DCDC2C: variants seen among roughly 807,000 people sequenced by gnomAD.
DCDC2C encodes doublecortin domain-containing protein 2C.
A neutral mutation model predicts 45.0 loss-of-function variants in DCDC2C; 44 were observed. That is an observed-to-expected ratio of 0.98 (90% CI 0.77 to 1.26). DCDC2C has a LOEUF of 1.26. Among genes scored for constraint, DCDC2C ranks in the 50% most tolerant of loss-of-function variants. The pLI, the probability that DCDC2C is intolerant of heterozygous loss-of-function variation, is 0.00. For missense variants in DCDC2C, 447 were observed against 468.9 expected (o/e 0.95, Z 0.43); for synonymous variants, 187 against 178.8 (o/e 1.05, Z -0.37).
intron 10 of DCDC2C, among the ~76,000 whole-genome samples, chr2:3,797,175 C>T (rs543244345): frequency 6.6e-6 from 1 of 152,270 alleles, no homozygotes; most frequent in East Asian, 1.9e-4. Flanking sequence ...TTGTAGTATT[C>T]TCTGATGGTA....
intron 10 of DCDC2C, among the ~76,000 whole-genome samples, chr2:3,809,717 G>C (rs1028698542): frequency 4.6e-5 from 7 of 151,894 alleles, no homozygotes; most frequent in African/African-American, 9.7e-5. Context: ...TGCACCTATT[G>C]ACTTGTTCTC....
At chr2:3,798,276 G>A (rs200819612) in intron 10 of DCDC2C, among the ~76,000 whole-genome samples, 1,563 of 152,026 alleles carry the variant, frequency 0.01, 28 homozygotes, top group East Asian at 0.061. Context: ...CTGCACGTGA[G>A]ATGGGTTTCC....
At chr2:3,837,910 G>A (rs1672120466) in intron 10 of DCDC2C, among the ~76,000 whole-genome samples, 1 of 152,164 alleles carries the variant, frequency 6.6e-6, no homozygotes, top group African/African-American at 2.4e-5. Flanking sequence ...AGGTGAGGAA[G>A]TGTGGGGTAG....
At chr2:3,784,877 A>AAC (rs1397458531) in intron 9 of DCDC2C, among the ~76,000 whole-genome samples, 182 bp from the exon 10 acceptor site, 18 of 152,182 alleles carry the variant, frequency 1.2e-4, no homozygotes. Flanking sequence ...AAGTAGGAGG[A>AAC]ACAGAGCAGT....
rs537851331 is a variant in DCDC2C at position 3,837,280 on chromosome 2, T to A, written c.1066-9874T>A. 2.7e-4 allele frequency among the ~76,000 whole-genome samples: 41 copies of A among 152,380 alleles called. No individual in the cohort carries two copies. In the South Asian group the frequency reaches 7.2e-3, roughly 27 times the overall value. On this transcript the variant is annotated intron_variant, in intron 10 of 10. Coordinates refer to ENST00000399143, the MANE Select transcript of DCDC2C (RefSeq NM_001287444.2). ...GAACTCAATCAATCGAGTTGAATTT[T>A]GCTGATCAGGCAAAGTGAGAGCTGA...
chr2:3,843,855 C>A (rs1293347881), intron 10 of DCDC2C, among the ~76,000 whole-genome samples: 1 of 152,110 alleles, frequency 6.6e-6, no homozygotes, highest in African/African-American at 2.4e-5. Flanking sequence ...TCTGATGGTA[C>A]CTCATCATAT....
chr2:3,790,791 TA>T, intron 10 of DCDC2C, among the ~76,000 whole-genome samples: 1 of 152,252 alleles, frequency 6.6e-6, no homozygotes, highest in South Asian at 2.1e-4. Flanking sequence ...GGTGAAATAT[TA>T]AGCAATGAAA....
chr2:3,703,678 C>G lies in DCDC2C; in HGVS notation c.-74C>G. On this transcript the variant is annotated 5_prime_UTR_variant, in exon 1 of 11. Transcript: ENST00000399143. This position sits in a 1 kb window ranked among gnomAD's most constrained non-coding sequence, Gnocchi z 4.4. ...CCCGTCGGCGGTGCCCGGGCCTGGG[C>G]GCGGCTCTGCAGGCGTCGCTGCCCG... 1 of 1,207,162 alleles carries G rather than the reference C, an allele frequency of 8.3e-7. No individual in the cohort carries two copies. Among genetic ancestry groups the G allele is most frequent in the Non-Finnish European group, 1.0e-6 (1 of 969,714 alleles). 74.8% of individuals were successfully genotyped at this position (1,207,162 alleles called of 1,614,324 possible).
At chr2:3,827,439 C>T (rs896541822) in intron 10 of DCDC2C, among the ~76,000 whole-genome samples, 3 of 152,094 alleles carry the variant, frequency 2.0e-5, no homozygotes, top group Non-Finnish European at 4.4e-5. Flanking sequence ...GGGTGGTGAT[C>T]TTCATGCTGT....
chr2:3,836,389 T>A (rs1002123722), intron 10 of DCDC2C, among the ~76,000 whole-genome samples: 1 of 152,154 alleles, frequency 6.6e-6, no homozygotes, highest in African/African-American at 2.4e-5. Context: ...AGTAACCAAA[T>A]GCAGCATGCT....
chr2:3,749,059 CTG>C (rs1669458801), intron 4 of DCDC2C, among the ~76,000 whole-genome samples: 2 of 152,102 alleles, frequency 1.3e-5, no homozygotes, highest in South Asian at 4.1e-4. Context: ...GTAAGATAGA[CTG>C]TACCTTTATT....
At chr2:3,714,112 C>T (rs1455797731) in intron 2 of DCDC2C, among the ~76,000 whole-genome samples, 1 of 152,100 alleles carries the variant, frequency 6.6e-6, no homozygotes, top group Non-Finnish European at 1.5e-5. Context: ...CTGTTTTGAT[C>T]AAAATATATT....
intron 3 of DCDC2C, among the ~76,000 whole-genome samples, chr2:3,733,257 C>T (rs1378282580): frequency 6.6e-6 from 1 of 152,184 alleles, no homozygotes. Context: ...AGAATTTTCC[C>T]AAGGGTATGT....
chr2:3,823,518 C>T (rs1053018589), intron 10 of DCDC2C, among the ~76,000 whole-genome samples: 10 of 152,148 alleles, frequency 6.6e-5, no homozygotes, highest in Non-Finnish European at 1.5e-4. Context: ...TCTTTATCTT[C>T]TACCCAGTTG....
At chr2:3,830,734 C>G (rs747061762) in intron 10 of DCDC2C, among the ~76,000 whole-genome samples, 2 of 152,122 alleles carry the variant, frequency 1.3e-5, no homozygotes, top group African/African-American at 4.8e-5. Context: ...CCTTGACTCA[C>G]GGTGGGTGGT....
chr2:3,825,175 G>C (rs1385863195), intron 10 of DCDC2C, among the ~76,000 whole-genome samples: 1 of 152,200 alleles, frequency 6.6e-6, no homozygotes, highest in East Asian at 1.9e-4. Context: ...TCTCTTTTGT[G>C]AGCAATCGGT....
intron 4 of DCDC2C, among the ~76,000 whole-genome samples, chr2:3,744,316 A>G (rs1669298862): frequency 6.6e-6 from 1 of 152,164 alleles, no homozygotes; most frequent in Non-Finnish European, 1.5e-5. Flanking sequence ...AGCCACAGTC[A>G]GTTGGGTGGC....
At chr2:3,797,023 A>G (rs1162551845) in intron 10 of DCDC2C, among the ~76,000 whole-genome samples, 5 of 152,152 alleles carry the variant, frequency 3.3e-5, no homozygotes, top group Admixed American at 6.5e-5. Context: ...TTGGTAAGCT[A>G]TTGATTATTG....
rs546599956 is a variant in DCDC2C, at chr2:3,842,214, G to A, written c.1066-4940G>A. ...TTCTCAAGAAGCTCATGTGAATTGG[G>A]GTTTGGGCACAGATCTATGGACAAG... On this transcript the variant is annotated intron_variant, in intron 10 of 10. Transcript: ENST00000399143. Among the ~76,000 whole-genome samples, 4 of 152,250 alleles carry A rather than the reference G, an allele frequency of 2.6e-5. No individual in the cohort carries two copies. In the South Asian group the frequency reaches 8.3e-4, roughly 32 times the overall value.
Sources: gnomAD v4.1 joint callset for allele counts (sites outside exome capture counted in the v4.1 genomes callset) on GRCh38, gnomAD v4.1.1 for gene constraint, Gnocchi (gnomAD v3.1) non-coding constraint, MANE v1.5 for transcripts, NCBI Gene and HGNC (gene_info 2026-07-23, HGNC 2026-07-21) for gene names.